The following DHX9 variants were observed in gnomAD, a reference collection of about 807,000 sequenced individuals.
DHX9 encodes the protein DExH-box helicase 9, also known as ATP-dependent RNA helicase A.
DHX9 carries 27 observed loss-of-function variants against 148.7 expected under a neutral mutation model. That is an observed-to-expected ratio of 0.18 (90% CI 0.13 to 0.25). DHX9 has a LOEUF of 0.25. Ranked by LOEUF, DHX9 falls within the 10% of genes least tolerant of loss-of-function variation. The pLI, the probability that DHX9 is intolerant of heterozygous loss-of-function variation, is 1.00. For missense variants in DHX9, 796 were observed against 1,559.6 expected (o/e 0.51, Z 8.25); for synonymous variants, 529 against 516.6 (o/e 1.02, Z -0.33).
At chr1:182,845,861 G>A (rs920966369) in intron 3 of DHX9, among the ~76,000 whole-genome samples, 42 of 152,288 alleles carry the variant, frequency 2.8e-4, no homozygotes, top group African/African-American at 1.0e-3. Context: ...ATATGGCGGA[G>A]GCAGCAGGGA....
intron 12 of DHX9, among the ~76,000 whole-genome samples, chr1:182,865,118 G>T (rs1470417422): frequency 6.6e-6 from 1 of 152,198 alleles, no homozygotes; most frequent in Admixed American, 6.5e-5. Flanking sequence ...TAGTAGAAAA[G>T]GGGGACGATA....
chr1:182,854,778 T>C lies in DHX9; in HGVS notation c.626+600T>C, dbSNP rs140674908. 1.3e-3 allele frequency among the ~76,000 whole-genome samples: 197 copies of C among 152,296 alleles called. 1 individual carries two copies. The highest frequency in any genetic ancestry group is 4.6e-3 in the African/African-American group (191 of 41,572). ...TATAAAACAATATAAAGGGAGGTCA[T>C]TTTAACAGTATGTTTCTCAGCCTGC... On this transcript the variant is annotated intron_variant, in intron 6 of 27. Transcript: ENST00000367549.
intron 13 of DHX9, 48 bp downstream of exon 13, chr1:182,866,633 T>C (rs200788393): frequency 6.4e-7 from 1 of 1,566,836 alleles, no homozygotes; most frequent in East Asian, 2.3e-5. Context: ...ATTGTGGTTG[T>C]GAAGAAAACT....
Position 182,859,099 on chromosome 1 carries a change from G to T in DHX9, c.1122G>T (p.Gln374His). Residue 374 changes from glutamine to histidine, a missense_variant, in exon 11 of 28, where the codon CAG (glutamine) becomes CAT (histidine). Coordinates refer to ENST00000367549, the MANE Select transcript of DHX9 (RefSeq NM_001357.5). ...ATGAATTGATGTACCAGTTGGAACA[G>T]GATCATGATTTGCAAGCAGTAAGTC... is the stretch of plus-strand genomic sequence containing the variant. ...LKNELMYQLE[Q>H]DHDLQAILQE... 6.2e-7 allele frequency: 1 copy of T among 1,614,094 alleles called. No individual in the cohort carries two copies. Among genetic ancestry groups the T allele is most frequent in the Non-Finnish European group, 8.5e-7 (1 of 1,179,982 alleles).
Position 182,881,545 on chromosome 1 carries a change from C to A in DHX9, c.2812C>A (p.Arg938Ser). 1.2e-6 allele frequency: 2 copies of A among 1,612,788 alleles called. No homozygotes were observed. The highest frequency in any genetic ancestry group is 1.3e-5 in the African/African-American group (1 of 74,970). The change falls in exon 24 of 28, where the codon CGT (arginine) becomes AGT (serine). Residue 938 changes from arginine to serine, a missense_variant. Arg to Ser is a moderately radical substitution (Grantham distance 110). Around this residue, in one of 14 missense-constraint regions of DHX9, gnomAD observed 122 missense variants for 289.3 expected, o/e 0.42. Transcript: ENST00000367549. ...ARMGGEEAEI[R>S]FCEHKRLNMA... ...AATGGGTGGAGAAGAAGCAGAGATA[C>A]GTTTTTGTGAGCACAAAAGACTTAA...
At chr1:182,871,163 A>G (rs1381915645) in intron 14 of DHX9, among the ~76,000 whole-genome samples, 2 of 152,232 alleles carry the variant, frequency 1.3e-5, no homozygotes, top group Non-Finnish European at 2.9e-5. Flanking sequence ...ATGTTAGTAT[A>G]GGAATATATA....
intron 3 of DHX9, among the ~76,000 whole-genome samples, chr1:182,847,381 G>A (rs985699839): frequency 6.6e-6 from 1 of 152,066 alleles, no homozygotes; most frequent in Non-Finnish European, 1.5e-5. Context: ...GTTTTGTTTT[G>A]TTTTGTTTTT....
chr1:182,872,297 T>C (rs554871450), intron 14 of DHX9, 40 bp from the exon 15 acceptor site: 1 of 1,564,086 alleles, frequency 6.4e-7, no homozygotes, highest in African/African-American at 1.4e-5. Context: ...TTATATAAAC[T>C]TAATGTAATT....
At chr1:182,851,783 T>A (rs1027194450) in intron 3 of DHX9, among the ~76,000 whole-genome samples, 5 of 152,202 alleles carry the variant, frequency 3.3e-5, no homozygotes, top group Non-Finnish European at 7.3e-5. Flanking sequence ...GAGAAAAATA[T>A]CTATTCCGTG....
chr1:182,840,838 C>A (rs556131938), intron 1 of DHX9, among the ~76,000 whole-genome samples: 46 of 152,070 alleles, frequency 3.0e-4, no homozygotes, highest in Non-Finnish European at 5.3e-4. Context: ...CCAGGAGTAA[C>A]TTGGTGGATG....
chr1:182,848,444 C>G (rs1475127622), intron 3 of DHX9, among the ~76,000 whole-genome samples: 4 of 152,176 alleles, frequency 2.6e-5, no homozygotes, highest in African/African-American at 7.2e-5. Context: ...AACCTTGTTC[C>G]AACGTAATTT....
intron 1 of DHX9, among the ~76,000 whole-genome samples, chr1:182,840,850 C>T (rs1262095892): frequency 6.6e-6 from 1 of 152,032 alleles, no homozygotes; most frequent in East Asian, 1.9e-4. Flanking sequence ...TGGTGGATGT[C>T]GTACCGTTTA....
At chr1:182,873,742 C>T (rs1381587449) in intron 15 of DHX9, among the ~76,000 whole-genome samples, 1 of 152,122 alleles carries the variant, frequency 6.6e-6, no homozygotes, top group Non-Finnish European at 1.5e-5. Context: ...AGCAGTGACA[C>T]CCAGTAGATA....
chr1:182,881,496 A>G (rs762603704), intron 23 of DHX9, 24 bp from the exon 24 acceptor site: 14 of 1,607,472 alleles, frequency 8.7e-6, no homozygotes, highest in African/African-American at 2.7e-5. Context: ...TTAGAGAATG[A>G]TTTCTCATGC....
At chr1:182,866,375 A>G (rs1403703015) in intron 12 of DHX9, 69 bp from the exon 13 acceptor site, 1 of 1,534,300 alleles carries the variant, frequency 6.5e-7, no homozygotes, top group East Asian at 2.3e-5. Context: ...ACAATAATCC[A>G]AAAATGCTAA....
chr1:182,876,953 ACTT>A (rs775396951), intron 19 of DHX9, 50 bp downstream of exon 19: 27 of 1,339,608 alleles, frequency 2.0e-5, no homozygotes, highest in South Asian at 6.2e-5. Flanking sequence ...CTAACTGGAA[ACTT>A]CTTACCAGTT....
chr1:182,874,108 A>G (rs1247370650), intron 15 of DHX9, among the ~76,000 whole-genome samples: 7 of 152,228 alleles, frequency 4.6e-5, no homozygotes, highest in Non-Finnish European at 5.9e-5. Context: ...AGAATTTCAA[A>G]TAATTTATGT....
chr1:182,852,037 G>A (rs921561718), intron 3 of DHX9, among the ~76,000 whole-genome samples, 196 bp from the exon 4 acceptor site: 1 of 152,162 alleles, frequency 6.6e-6, no homozygotes, highest in Non-Finnish European at 1.5e-5. Context: ...TGTTCCCAGT[G>A]GATTAGGGGA....
intron 21 of DHX9, among the ~76,000 whole-genome samples, chr1:182,879,911 A>G (rs1463427574): frequency 1.3e-5 from 2 of 152,086 alleles, no homozygotes; most frequent in Non-Finnish European, 2.9e-5. Context: ...TTTTACTAAG[A>G]CAGGGTTTCA....
Sources: allele counts gnomAD v4.1 joint callset (sites outside exome capture counted in the v4.1 genomes callset), GRCh38; gene constraint gnomAD v4.1.1; regional missense constraint gnomAD v4.1.1; transcripts MANE v1.5; gene names NCBI Gene and HGNC (gene_info 2026-07-23, HGNC 2026-07-21).